KSR2: variants seen among roughly 807,000 people sequenced by gnomAD.
The protein encoded by KSR2 is kinase suppressor of ras 2.
A neutral mutation model predicts 107.8 loss-of-function variants in KSR2; 25 were observed. The observed-to-expected ratio is 0.23, with a 90% CI of 0.17 to 0.32. The LOEUF is 0.32. KSR2 is among the 10% of genes least tolerant of loss of function. The pLI, the probability that KSR2 is intolerant of heterozygous loss-of-function variation, is 1.00. For synonymous variants in KSR2, 480 were observed against 507.0 expected (o/e 0.95, Z 0.71); for missense variants, 887 against 1,268.9 (o/e 0.70, Z 4.57).
intron 5 of KSR2, among the ~76,000 whole-genome samples, chr12:117,591,763 G>A (rs1465109436): frequency 2.0e-5 from 3 of 152,080 alleles, no homozygotes; most frequent in African/African-American, 7.2e-5. Context: ...CAGCACTTTG[G>A]GAGGCAGAGG....
In KSR2 at chr12:117,463,056, T is replaced by A. The variant is rs768813872; in HGVS notation, c.*4143A>T. 6.6e-6 allele frequency: 1 copy of A among 152,226 alleles called. No individual in the cohort carries two copies. Among genetic ancestry groups the A allele is most frequent in the Non-Finnish European group, 1.5e-5 (1 of 68,052 alleles). The allele number at this position is 152,226 out of a possible 1,614,324, so 9.4% of individuals were successfully genotyped here. Reference sequence around the variant, plus strand: ...AGCCTCAAGAATTGTGAGGAATAAATTCGTGTTGTTTAAGCCACTCAGTGT... The same window carrying A: ...AGCCTCAAGAATTGTGAGGAATAAAATCGTGTTGTTTAAGCCACTCAGTGT... On this transcript the variant is annotated 3_prime_UTR_variant, in exon 20 of 20. Coordinates refer to ENST00000339824, the MANE Select transcript of KSR2 (RefSeq NM_173598.6).
intron 7 of KSR2, among the ~76,000 whole-genome samples, chr12:117,566,560 A>G (rs1013029928): frequency 9.2e-5 from 14 of 152,208 alleles, no homozygotes; most frequent in African/African-American, 2.4e-4. Flanking sequence ...TGCAAAGGAC[A>G]TGATCTCGTT....
intron 3 of KSR2, among the ~76,000 whole-genome samples, chr12:117,843,926 T>TCC (rs1221438052): frequency 1.5e-5 from 2 of 136,430 alleles, no homozygotes; most frequent in African/African-American, 2.7e-5. Context: ...ATCTTAAGCT[T>TCC]CCCTTTTTTT....
rs1871189293 is a variant in KSR2 at position 117,467,189 on chromosome 12, T to C, written c.*10A>G. Reference sequence around the variant, plus strand: ...CCCAGGCAGCTGGGCGCCGTCCCGATGTCCAAAGGTCACAGCCTGGAGTGG... The same window carrying C: ...CCCAGGCAGCTGGGCGCCGTCCCGACGTCCAAAGGTCACAGCCTGGAGTGG... On this transcript the variant is annotated 3_prime_UTR_variant, in exon 20 of 20. Coordinates refer to ENST00000339824, the MANE Select transcript of KSR2 (RefSeq NM_173598.6). 1 of 724,148 alleles carries C rather than the reference T, an allele frequency of 1.4e-6. No homozygotes were observed. Among genetic ancestry groups the C allele is most frequent in the Non-Finnish European group, 2.5e-6 (1 of 393,648 alleles). 44.9% of individuals were successfully genotyped at this position (724,148 alleles called of 1,614,324 possible). A position where few individuals can be genotyped will look rare whatever the true frequency, so the allele number is the denominator to read the frequency against.
Position 117,539,806 on chromosome 12 carries a change from GT to G in KSR2, c.1599del (p.Leu536SerfsTer61). The G allele has an allele frequency of 6.2e-7, 1 of 1,608,456 alleles. No individual in the cohort carries two copies. The highest frequency in any genetic ancestry group is 8.5e-7 in the Non-Finnish European group (1 of 1,177,546). ...STTSSTPSSP[A>X]PPLPPSATPP... Reference sequence around the variant, plus strand: ...GGCGTGGCACTAGGAGGGAGGGGGGGTGCTGGCGAGGAGGGCGTGGAGGACG... The same window carrying G: ...GGCGTGGCACTAGGAGGGAGGGGGGGGCTGGCGAGGAGGGCGTGGAGGACG... On this transcript the variant is annotated frameshift_variant, in exon 10 of 20. Transcript: ENST00000339824. LOFTEE classifies it high-confidence loss of function.
chr12:117,943,151 G>A (rs1593390668), intron 1 of KSR2, among the ~76,000 whole-genome samples: 2 of 152,152 alleles, frequency 1.3e-5, no homozygotes, highest in Non-Finnish European at 1.5e-5. Context: ...ATGTCCATAT[G>A]TGGGTGGTAG....
chr12:117,582,545 G>T (rs2136243932), intron 5 of KSR2, among the ~76,000 whole-genome samples, 186 bp from the exon 6 acceptor site: 3 of 152,338 alleles, frequency 2.0e-5, no homozygotes, highest in Non-Finnish European at 4.4e-5. Context: ...AGGGCCCCTG[G>T]GCAGGGCTGC....
chr12:117,764,606 T>C (rs371894064), intron 3 of KSR2, among the ~76,000 whole-genome samples: 31 of 152,140 alleles, frequency 2.0e-4, no homozygotes, highest in African/African-American at 7.2e-4. Context: ...ATGAGCCTCC[T>C]CCCAGGCTTG....
At chr12:117,550,629 A>G (rs1877230001) in intron 9 of KSR2, among the ~76,000 whole-genome samples, 1 of 152,220 alleles carries the variant, frequency 6.6e-6, no homozygotes, top group South Asian at 2.1e-4. Context: ...ATGAGGTTCA[A>G]AGAGAACAGG....
At chr12:117,476,351 A>G in intron 17 of KSR2, 113 bp downstream of exon 17, 2 of 1,323,910 alleles carry the variant, frequency 1.5e-6, no homozygotes, top group Non-Finnish European at 2.0e-6. Context: ...AAATCCAGCC[A>G]CTTTGGCCCT....
rs983342737 is a variant in KSR2, at chr12:117,968,745, CA to C, written c.-491del. 5.7e-5 allele frequency: 9 copies of C among 156,650 alleles called. No individual in the cohort carries two copies. The highest frequency in any genetic ancestry group is 1.9e-4 in the East Asian group (1 of 5,238). 9.7% of individuals were successfully genotyped at this position (156,650 alleles called of 1,614,324 possible). ...ATTTTTGGCTGGCTTGCTTTTATGT[CA>C]AAAAAAATCTGGTTTTCCCCCCTCC... On this transcript the variant is annotated 5_prime_UTR_variant, in exon 1 of 20. The change abolishes the stop of an existing upstream ORF in the 5' untranslated region. Transcript: ENST00000339824.
At chr12:117,560,849 C>G (rs375429374) in intron 7 of KSR2, among the ~76,000 whole-genome samples, 53 of 152,266 alleles carry the variant, frequency 3.5e-4, no homozygotes, top group African/African-American at 1.2e-3. Flanking sequence ...CTCTCTTGCT[C>G]CCTCTCTCAC....
At chr12:117,877,088 G>A (rs1161266035) in intron 1 of KSR2, among the ~76,000 whole-genome samples, 2 of 152,136 alleles carry the variant, frequency 1.3e-5, no homozygotes, top group Non-Finnish European at 2.9e-5. Flanking sequence ...AAAAGTTTCC[G>A]ATTATTGGGA....
At chr12:117,879,134 G>A (rs1301029262) in intron 1 of KSR2, among the ~76,000 whole-genome samples, 1 of 152,046 alleles carries the variant, frequency 6.6e-6, no homozygotes, top group Non-Finnish European at 1.5e-5. Context: ...ATTCTTAATG[G>A]GGTGCATCTT....
intron 4 of KSR2, among the ~76,000 whole-genome samples, chr12:117,743,426 G>C (rs1888294216): frequency 6.6e-6 from 1 of 152,228 alleles, no homozygotes; most frequent in Non-Finnish European, 1.5e-5. Context: ...GACAAATGGA[G>C]AGAAGTGGAG....
At chr12:117,754,652 T>G (rs540053204) in intron 4 of KSR2, among the ~76,000 whole-genome samples, 2 of 143,044 alleles carry the variant, frequency 1.4e-5, no homozygotes, top group Admixed American at 7.0e-5. Flanking sequence ...AAAAAAAAAA[T>G]TAGCTTGGGG....
At chr12:117,803,630 G>A (rs1890911742) in intron 3 of KSR2, among the ~76,000 whole-genome samples, 1 of 152,132 alleles carries the variant, frequency 6.6e-6, no homozygotes, top group Non-Finnish European at 1.5e-5. Flanking sequence ...ATGAACCCGG[G>A]AGGCGGAGCT....
intron 3 of KSR2, among the ~76,000 whole-genome samples, chr12:117,793,572 CACCT>C: frequency 6.7e-6 from 1 of 149,750 alleles, no homozygotes; most frequent in Non-Finnish European, 1.5e-5. Flanking sequence ...AACATGCACA[CACCT>C]TTACACCAAT....
At chr12:117,558,157 C>T (rs895062797) in intron 8 of KSR2, among the ~76,000 whole-genome samples, 19 of 152,170 alleles carry the variant, frequency 1.2e-4, no homozygotes, top group African/African-American at 4.6e-4. Context: ...GAAAAACACC[C>T]AGCCAGTGCT....
Sources: gnomAD v4.1 joint callset for allele counts (sites outside exome capture counted in the v4.1 genomes callset) on GRCh38, gnomAD v4.1.1 for gene constraint, MANE v1.5 for transcripts, NCBI Gene and HGNC (gene_info 2026-07-23, HGNC 2026-07-21) for gene names.